Variants in MORN3 observed in about 807,000 individuals in gnomAD.
MORN3 encodes the protein MORN repeat-containing protein 3.
Under a neutral mutation model 34.7 loss-of-function variants are expected in MORN3, and 38 were observed. The ratio of observed to expected loss-of-function variants is 1.10; its 90% CI spans 0.85 to 1.44. MORN3 has a LOEUF of 1.44. Among genes scored for constraint, MORN3 ranks in the 40% most tolerant of loss-of-function variants. MORN3 has a pLI of 0.00. For synonymous variants in MORN3, 109 were observed against 115.3 expected (o/e 0.95, Z 0.35); for missense variants, 311 against 321.7 (o/e 0.97, Z 0.25).
intron 2 of MORN3, 60 bp from the exon 3 acceptor site, chr12:121,654,493 C>T (rs1407073077): frequency 2.1e-5 from 31 of 1,499,034 alleles, no homozygotes; most frequent in African/African-American, 4.2e-5. Context: ...GAAAGCCCAC[C>T]GTCTTCCCAG....
chr12:121,655,742 A>C (rs1465689729), intron 2 of MORN3, among the ~76,000 whole-genome samples: 2 of 147,480 alleles, frequency 1.4e-5, no homozygotes, highest in Admixed American at 6.8e-5. Context: ...AAAAAACACC[A>C]CACTTAGGCT....
chr12:121,667,420 A>AT (rs1254403053), intron 1 of MORN3, among the ~76,000 whole-genome samples: 1 of 151,054 alleles, frequency 6.6e-6, no homozygotes, highest in Admixed American at 6.6e-5. Context: ...GATCCAGCTA[A>AT]TTTTTTGTAT....
intron 2 of MORN3, among the ~76,000 whole-genome samples, chr12:121,658,091 T>A (rs1893461555): frequency 1.3e-5 from 2 of 152,004 alleles, no homozygotes; most frequent in South Asian, 2.1e-4. Flanking sequence ...AAAACTCTGC[T>A]GCTGGAATGT....
At chr12:121,655,897 G>C (rs1005705198) in intron 2 of MORN3, among the ~76,000 whole-genome samples, 7 of 152,012 alleles carry the variant, frequency 4.6e-5, no homozygotes, top group African/African-American at 1.7e-4. Flanking sequence ...TGGGTGTGGT[G>C]GTGGGTGCCC....
rs1192202145 is a variant in MORN3 at position 121,648,836 on chromosome 12, C to T, written c.*2815G>A. The T allele has an allele frequency of 6.6e-6, 1 of 152,130 alleles. No homozygotes were observed. The highest frequency in any genetic ancestry group is 1.9e-4 in the East Asian group (1 of 5,204). 9.4% of individuals were successfully genotyped at this position (152,130 alleles called of 1,614,324 possible). On this transcript the variant is annotated 3_prime_UTR_variant, in exon 6 of 6. Transcript: ENST00000355329. ...GAAAAGTTGTTCTTCAGCTCCTGTTCCCAAGTCCCCAATTCTCCCCAGAGA... is the reference window on the plus strand; with the variant it reads ...GAAAAGTTGTTCTTCAGCTCCTGTTTCCAAGTCCCCAATTCTCCCCAGAGA...
chr12:121,671,362 C>T (rs1441870089), upstream of MORN3, among the ~76,000 whole-genome samples: 32 of 148,626 alleles, frequency 2.2e-4, no homozygotes, highest in Middle Eastern at 3.4e-3. Context: ...GCCGAGATCG[C>T]GCCACTGCAC....
chr12:121,652,497 G>A (rs1235905959), intron 5 of MORN3, among the ~76,000 whole-genome samples: 7 of 152,194 alleles, frequency 4.6e-5, no homozygotes, highest in African/African-American at 1.7e-4. Flanking sequence ...GCCTCCCAAA[G>A]TGCTGGGATT....
At chr12:121,669,680 C>G, upstream of MORN3, 1 of 662,092 alleles carries the variant, frequency 1.5e-6, no homozygotes. Context: ...CCTCCCTTGC[C>G]TCTCCTGGGG....
intron 1 of MORN3, among the ~76,000 whole-genome samples, chr12:121,667,112 C>T (rs1447764510): frequency 6.6e-6 from 1 of 151,826 alleles, no homozygotes; most frequent in Non-Finnish European, 1.5e-5. Context: ...AGGTGCCTGC[C>T]ATCATGTCTG....
chr12:121,662,422 C>T (rs1047722748), intron 1 of MORN3, among the ~76,000 whole-genome samples: 2 of 151,960 alleles, frequency 1.3e-5, no homozygotes, highest in South Asian at 2.1e-4. Flanking sequence ...AGTGAGATTG[C>T]GCCACTGCAC....
intron 1 of MORN3, among the ~76,000 whole-genome samples, chr12:121,664,077 G>A (rs35617937): frequency 2.0e-5 from 3 of 152,158 alleles, no homozygotes; most frequent in Non-Finnish European, 1.5e-5. Flanking sequence ...CTCCGTGTAA[G>A]TCCATTTGGG....
upstream of MORN3, among the ~76,000 whole-genome samples, chr12:121,671,842 C>T (rs542476425): frequency 6.7e-6 from 1 of 150,352 alleles, no homozygotes; most frequent in East Asian, 2.0e-4. Context: ...AGATCTGCCA[C>T]TGCACTCAGC....
intron 2 of MORN3, 33 bp from the exon 3 acceptor site, chr12:121,654,466 C>A: frequency 6.5e-7 from 1 of 1,532,016 alleles, no homozygotes; most frequent in Non-Finnish European, 8.8e-7. Flanking sequence ...ACTCAGGGCG[C>A]CCCCCAACAC....
chr12:121,670,682 G>A (rs1285403418), upstream of MORN3, among the ~76,000 whole-genome samples: 2 of 152,012 alleles, frequency 1.3e-5, no homozygotes, highest in Non-Finnish European at 2.9e-5. Flanking sequence ...GGTGGTACGC[G>A]CCTGTAATCC....
intron 1 of MORN3, 52 bp from the exon 2 acceptor site, chr12:121,659,400 G>T (rs1202906229): frequency 3.1e-6 from 5 of 1,601,108 alleles, no homozygotes; most frequent in Admixed American, 3.4e-5. Flanking sequence ...GGGGGGTGGG[G>T]GTGGTGTGCC....
intron 1 of MORN3, among the ~76,000 whole-genome samples, chr12:121,660,167 T>G (rs542577169): frequency 3.3e-4 from 50 of 150,124 alleles, no homozygotes; most frequent in Non-Finnish European, 6.5e-4. Flanking sequence ...CTGGGAGGCG[T>G]GGGTTGCAGT....
At chr12:121,666,386 C>T (rs934500193) in intron 1 of MORN3, among the ~76,000 whole-genome samples, 1 of 151,980 alleles carries the variant, frequency 6.6e-6, no homozygotes, top group Non-Finnish European at 1.5e-5. Context: ...TGCCTTTAGT[C>T]CCAGCTACTT....
At chr12:121,658,041 C>G (rs1444779582) in intron 2 of MORN3, among the ~76,000 whole-genome samples, 1 of 151,908 alleles carries the variant, frequency 6.6e-6, no homozygotes, top group Non-Finnish European at 1.5e-5. Flanking sequence ...ATCAGCACTC[C>G]TGGTTCACTG....
intron 2 of MORN3, among the ~76,000 whole-genome samples, chr12:121,658,613 C>T (rs1555325956): frequency 1.3e-5 from 2 of 150,452 alleles, no homozygotes; most frequent in Admixed American, 1.3e-4. Context: ...TTCAGGCTCA[C>T]AGTAGCAGTT....
Sources: gnomAD v4.1 joint callset for allele counts (sites outside exome capture counted in the v4.1 genomes callset) on GRCh38, gnomAD v4.1.1 for gene constraint, MANE v1.5 for transcripts, NCBI Gene and HGNC (gene_info 2026-07-23, HGNC 2026-07-21) for gene names.